The following SH3GL3 variants were observed in gnomAD, a reference collection of about 807,000 sequenced individuals.
SH3GL3 encodes SH3 domain containing GRB2 like 3, endophilin A3, also known as endophilin-A3.
SH3GL3 carries 33 observed loss-of-function variants against 47.7 expected under a neutral mutation model. The ratio of observed to expected loss-of-function variants is 0.69; its 90% confidence interval spans 0.52 to 0.92. SH3GL3 has a LOEUF of 0.92. SH3GL3 is among the 40% of genes least tolerant of loss of function. The probability of loss-of-function intolerance (pLI) is 0.00; values close to 1 mark genes in which losing one functional copy is unlikely to be tolerated. For synonymous variants in SH3GL3, 155 were observed against 148.8 expected (o/e 1.04, Z -0.30); for missense variants, 363 against 417.8 (o/e 0.87, Z 1.14).
rs1182121750 is a variant in SH3GL3, at chr15:83,447,899, C to T, written c.45+321C>T. On this transcript the variant is annotated intron_variant, in intron 1 of 8. Transcript: ENST00000427482. The surrounding 1 kb of genome is among the most constrained non-coding windows in gnomAD (Gnocchi z 5.1). Reference sequence around the variant, plus strand: ...GGAGTGGGCGTGGGGGGGCCCCTACCCGCGCGAGGGGAGGACGACCACAGG... The same window carrying T: ...GGAGTGGGCGTGGGGGGGCCCCTACTCGCGCGAGGGGAGGACGACCACAGG... Among the ~76,000 whole-genome samples the T allele has an allele frequency of 1.3e-5, 2 of 152,244 alleles. No individual in the cohort carries two copies. Among genetic ancestry groups the T allele is most frequent in the Non-Finnish European group, 1.5e-5 (1 of 67,982 alleles).
chr15:83,506,898 C>T (rs1010860498), intron 1 of SH3GL3, among the ~76,000 whole-genome samples: 1 of 151,968 alleles, frequency 6.6e-6, no homozygotes, highest in Non-Finnish European at 1.5e-5. Flanking sequence ...CGCAGCTCTG[C>T]CCCATCTGTT....
At chr15:83,464,267 G>T (rs2040458637) in intron 1 of SH3GL3, among the ~76,000 whole-genome samples, 1 of 152,112 alleles carries the variant, frequency 6.6e-6, no homozygotes, top group South Asian at 2.1e-4. Context: ...ATTTCCTCTG[G>T]AATCACTAGC....
chr15:83,574,432 C>G (rs2059620468), intron 5 of SH3GL3, among the ~76,000 whole-genome samples: 1 of 152,172 alleles, frequency 6.6e-6, no homozygotes, highest in Non-Finnish European at 1.5e-5. Context: ...TCTGTCACCT[C>G]TCACCTCCTC....
At chr15:83,587,164 T>C in intron 7 of SH3GL3, 78 bp downstream of exon 7, 1 of 716,034 alleles carries the variant, frequency 1.4e-6, no homozygotes, top group Non-Finnish European at 2.4e-6. Context: ...TGTCTCTCCA[T>C]CTCTCCATCT....
chr15:83,525,808 T>C (rs1396451356), intron 1 of SH3GL3, among the ~76,000 whole-genome samples: 1 of 152,200 alleles, frequency 6.6e-6, no homozygotes, highest in Non-Finnish European at 1.5e-5. Flanking sequence ...TCTGGGCATC[T>C]CTGTAAAAAA....
intron 8 of SH3GL3, among the ~76,000 whole-genome samples, chr15:83,606,770 C>T (rs1346148005): frequency 6.6e-6 from 1 of 152,160 alleles, no homozygotes. Context: ...GAACTTGTTC[C>T]TAGAGGAAGT....
intron 8 of SH3GL3, 31 bp downstream of exon 8, chr15:83,588,802 G>A (rs762076590): frequency 1.7e-6 from 2 of 1,185,246 alleles, no homozygotes; most frequent in Non-Finnish European, 2.5e-6. Context: ...TGCTAAGTGT[G>A]CCTTTAGTAA....
intron 1 of SH3GL3, among the ~76,000 whole-genome samples, chr15:83,519,077 T>TGA (rs2043105776): frequency 6.6e-6 from 1 of 152,198 alleles, no homozygotes; most frequent in Non-Finnish European, 1.5e-5. Flanking sequence ...TGTAGCCTTA[T>TGA]AGTACTGTTT....
intron 8 of SH3GL3, among the ~76,000 whole-genome samples, chr15:83,592,281 T>C (rs190637823): frequency 2.5e-3 from 374 of 152,342 alleles, no homozygotes; most frequent in Non-Finnish European, 3.5e-3. Context: ...TAATCACTAT[T>C]TTTGTTAAAT....
Position 83,447,405 on chromosome 15 carries a change from C to T in SH3GL3, c.-129C>T. The T allele has an allele frequency of 1.7e-6, 1 of 596,408 alleles. No homozygotes were observed. The highest frequency in any genetic ancestry group is 2.5e-6 in the Non-Finnish European group (1 of 401,318). 36.9% of individuals were successfully genotyped at this position (596,408 alleles called of 1,614,324 possible). ...CAGCGGCTGTGGCTGTGGCCGTGGC[C>T]GTGGGAGGCGGGCCCGGCGGAGCCC... On this transcript the variant is annotated 5_prime_UTR_variant, in exon 1 of 9. Transcript: ENST00000427482. The surrounding 1 kb of genome is among the most constrained non-coding windows in gnomAD (Gnocchi z 5.1).
At chr15:83,618,018 C>G in intron 8 of SH3GL3, 64 bp from the exon 9 acceptor site, 1 of 1,137,816 alleles carries the variant, frequency 8.8e-7, no homozygotes, top group East Asian at 2.4e-5. Flanking sequence ...TTCCACATTT[C>G]CAATTTCCCA....
At chr15:83,506,657 A>G (rs558891156) in intron 1 of SH3GL3, among the ~76,000 whole-genome samples, 1 of 152,316 alleles carries the variant, frequency 6.6e-6, no homozygotes, top group Non-Finnish European at 1.5e-5. Context: ...CCACTTAGGA[A>G]TGTGGCATGT....
At chr15:83,556,742 G>A (rs1003120267) in intron 1 of SH3GL3, among the ~76,000 whole-genome samples, 2 of 152,108 alleles carry the variant, frequency 1.3e-5, no homozygotes, top group African/African-American at 4.8e-5. Context: ...AAAAAAAAAA[G>A]TTCATTTAGT....
chr15:83,482,639 G>A lies in SH3GL3; in HGVS notation c.45+35061G>A, dbSNP rs553165002. The stretch of plus-strand genomic sequence containing the variant: ...CTCCGGAGTAGCTGGGATTACAGGC[G>A]CGCACCACCACACCCGGCTAACTTT... On this transcript the variant is annotated intron_variant, in intron 1 of 8. Transcript: ENST00000427482. Among the ~76,000 whole-genome samples the A allele has an allele frequency of 2.1e-4, 32 of 151,906 alleles. No individual in the cohort carries two copies. The East Asian group carries it at 4.1e-3, about 19-fold the overall frequency.
chr15:83,486,041 C>G lies in SH3GL3; in HGVS notation c.45+38463C>G, dbSNP rs187987117. 2.6e-5 allele frequency among the ~76,000 whole-genome samples: 4 copies of G among 151,964 alleles called. No individual in the cohort carries two copies. The East Asian group carries it at 7.7e-4, about 29-fold the overall frequency. ...GTATGCACATCTGAAAAATAAGGGC[C>G]TTTCTCTTAGGCCTTTCTCTAACCA... is the stretch of plus-strand genomic sequence containing the variant. On this transcript the variant is annotated intron_variant, in intron 1 of 8. Coordinates refer to ENST00000427482, the MANE Select transcript of SH3GL3 (RefSeq NM_003027.5).
At chr15:83,550,307 C>A (rs895169113) in intron 1 of SH3GL3, among the ~76,000 whole-genome samples, 1 of 152,200 alleles carries the variant, frequency 6.6e-6, no homozygotes, top group Non-Finnish European at 1.5e-5. Flanking sequence ...TATTAGACAA[C>A]GTCCACAGCC....
chr15:83,460,044 CCCTCCCTCCCTGCCTCCCTCCCTCCCTT>C (rs2040203804), intron 1 of SH3GL3, among the ~76,000 whole-genome samples: 1 of 65,174 alleles, frequency 1.5e-5, no homozygotes, highest in Non-Finnish European at 3.0e-5. Context: ...CTCCCTCCCT[CCCTCCCTCCCTGCCTCCCTCCCTCCCTT>C]CCTTCCTTCC....
chr15:83,590,667 T>G (rs1332335097), intron 8 of SH3GL3, among the ~76,000 whole-genome samples: 1 of 152,240 alleles, frequency 6.6e-6, no homozygotes, highest in Non-Finnish European at 1.5e-5. Flanking sequence ...CCTTAGTGAC[T>G]AATGATGTTG....
intron 1 of SH3GL3, among the ~76,000 whole-genome samples, chr15:83,505,581 G>A (rs2042466929): frequency 7.0e-6 from 1 of 143,302 alleles, no homozygotes. Context: ...AGGCTGGGGT[G>A]CAGTGATGCG....
Sources: allele counts gnomAD v4.1 joint callset (sites outside exome capture counted in the v4.1 genomes callset), GRCh38; gene constraint gnomAD v4.1.1; non-coding constraint Gnocchi (gnomAD v3.1); transcripts MANE v1.5; gene names NCBI Gene and HGNC (gene_info 2026-07-23, HGNC 2026-07-21).